Variants in ERC2 observed in about 807,000 individuals in gnomAD.
ERC2 encodes the protein ERC protein 2.
In ERC2, 42 loss-of-function variants were observed where a neutral mutation model predicts 114.8. That is an observed-to-expected ratio of 0.37 (90% confidence interval 0.29 to 0.47). ERC2 has a LOEUF of 0.47. Among genes scored for constraint, ERC2 ranks in the 20% least tolerant of loss-of-function variants. The probability of loss-of-function intolerance (pLI) is 0.99; values close to 1 mark genes in which losing one functional copy is unlikely to be tolerated. For missense variants in ERC2, 939 were observed against 1,150.7 expected (o/e 0.82, Z 2.66); for synonymous variants, 454 against 425.5 (o/e 1.07, Z -0.82).
chr3:55,773,252 C>T (rs1226311232), intron 14 of ERC2, among the ~76,000 whole-genome samples: 2 of 152,184 alleles, frequency 1.3e-5, no homozygotes, highest in African/African-American at 4.8e-5. Flanking sequence ...CTGGCTGGTC[C>T]CACCTTAGGG....
chr3:55,987,306 C>G (rs1013331875), intron 11 of ERC2, among the ~76,000 whole-genome samples: 1 of 152,190 alleles, frequency 6.6e-6, no homozygotes, highest in Non-Finnish European at 1.5e-5. Flanking sequence ...GTAATTAAAT[C>G]AAGGTCTGTG....
At chr3:56,374,182 C>T (rs1488366276) in intron 2 of ERC2, among the ~76,000 whole-genome samples, 1 of 152,178 alleles carries the variant, frequency 6.6e-6, no homozygotes, top group African/African-American at 2.4e-5. Context: ...CTGTAACCTC[C>T]ACCTTCCAGG....
At chr3:56,416,648 C>T (rs1576853323) in intron 2 of ERC2, among the ~76,000 whole-genome samples, 1 of 110,090 alleles carries the variant, frequency 9.1e-6, no homozygotes, top group South Asian at 3.2e-4. Flanking sequence ...TTGCCAACAA[C>T]AAAACATGAT....
At chr3:55,785,671 C>T (rs112463435) in intron 14 of ERC2, among the ~76,000 whole-genome samples, 3 of 152,204 alleles carry the variant, frequency 2.0e-5, no homozygotes, top group Non-Finnish European at 4.4e-5. Context: ...ATTCATGCTG[C>T]CCGGAAGTGC....
At chr3:55,649,809 G>A (rs570833057) in intron 17 of ERC2, among the ~76,000 whole-genome samples, 1 of 152,308 alleles carries the variant, frequency 6.6e-6, no homozygotes, top group South Asian at 2.1e-4. Flanking sequence ...TGACACTTCT[G>A]TCAAGCAGAA....
chr3:56,006,294 CA>C (rs1560011106), intron 10 of ERC2, among the ~76,000 whole-genome samples: 1 of 152,070 alleles, frequency 6.6e-6, no homozygotes, highest in Admixed American at 6.6e-5. Context: ...GATTCCTTCA[CA>C]TCCTTGACCA....
intron 3 of ERC2, among the ~76,000 whole-genome samples, chr3:56,226,339 A>G (rs1470456822): frequency 6.6e-6 from 1 of 152,162 alleles, no homozygotes; most frequent in East Asian, 1.9e-4. Context: ...CACCATGCCT[A>G]GTGGTGCTAG....
intron 6 of ERC2, among the ~76,000 whole-genome samples, chr3:56,103,743 G>GTATCTATCTATC (rs58839474): frequency 0.013 from 1,885 of 149,148 alleles, 15 homozygotes; most frequent in Non-Finnish European, 0.014. Flanking sequence ...AACTAGAAGT[G>GTATCTATCTATC]TATCTATCTA....
chr3:56,349,912 CA>C (rs35271051), intron 2 of ERC2, among the ~76,000 whole-genome samples: 180 of 125,158 alleles, frequency 1.4e-3, no homozygotes, highest in Middle Eastern at 4.5e-3. Flanking sequence ...GACTCCGTCT[CA>C]AAAAAAAAAA....
chr3:56,338,352 C>T (rs925538524), intron 2 of ERC2, among the ~76,000 whole-genome samples: 1 of 152,198 alleles, frequency 6.6e-6, no homozygotes, highest in East Asian at 1.9e-4. Flanking sequence ...TCATCTAATC[C>T]AGGCCCTCTT....
In ERC2 at chr3:56,018,820, A is replaced by C; in HGVS notation, c.1779+74T>G. 9 of 1,513,478 alleles carry C rather than the reference A, an allele frequency of 5.9e-6. 1 individual carries two copies. The highest frequency in any genetic ancestry group is 7.2e-6 in the Non-Finnish European group (8 of 1,110,172). 93.8% of individuals were successfully genotyped at this position (1,513,478 alleles called of 1,614,324 possible). ...AAAAGAAGAAAAGCAGGCACATTTA[A>C]ATGCATTGGGATCAACTTTCCCCAA... is the stretch of plus-strand genomic sequence containing the variant. On this transcript the variant is annotated intron_variant, in intron 8 of 17. Coordinates refer to ENST00000288221, the MANE Select transcript of ERC2 (RefSeq NM_015576.3).
At chr3:56,053,753 T>A (rs1209621866) in intron 7 of ERC2, among the ~76,000 whole-genome samples, 1 of 151,794 alleles carries the variant, frequency 6.6e-6, no homozygotes, top group Non-Finnish European at 1.5e-5. Flanking sequence ...AAATTATAAG[T>A]CCCCTTCGCA....
chr3:56,388,644 C>G (rs1261373789), intron 2 of ERC2, among the ~76,000 whole-genome samples: 2 of 152,138 alleles, frequency 1.3e-5, no homozygotes, highest in African/African-American at 4.8e-5. Flanking sequence ...CAAATTACAC[C>G]TCTTCTCAGA....
At chr3:55,600,914 C>A (rs964147105) in intron 17 of ERC2, among the ~76,000 whole-genome samples, 1 of 152,260 alleles carries the variant, frequency 6.6e-6, no homozygotes, top group Non-Finnish European at 1.5e-5. Flanking sequence ...CTGGCCCTGC[C>A]ATGTGGCATC....
Position 55,982,083 on chromosome 3 carries a change from C to A in ERC2, c.2267+3894G>T, listed in dbSNP as rs1559970599. Among the ~76,000 whole-genome samples the A allele has an allele frequency of 2.0e-5, 3 of 152,220 alleles. No homozygotes were observed. The East Asian group carries it at 5.8e-4, about 29-fold the overall frequency. On this transcript the variant is annotated intron_variant, in intron 12 of 17. Coordinates refer to ENST00000288221, the MANE Select transcript of ERC2 (RefSeq NM_015576.3). ...TTCAATCTCAGCATAAAAGGAGAGG[C>A]TGGCTGGAGAGGGGAGATAAATCTC...
At chr3:56,282,000 C>T (rs1359715494) in intron 3 of ERC2, among the ~76,000 whole-genome samples, 1 of 149,016 alleles carries the variant, frequency 6.7e-6, no homozygotes, top group African/African-American at 2.6e-5. Context: ...TTGCTTATCC[C>T]CTCCTCATTT....
intron 13 of ERC2, among the ~76,000 whole-genome samples, chr3:55,916,353 G>C (rs1281700211): frequency 2.6e-5 from 4 of 152,114 alleles, no homozygotes; most frequent in African/African-American, 9.7e-5. Flanking sequence ...ACTGGTGCTT[G>C]TAACAGGTGA....
At chr3:56,461,699 G>A (rs1452917883) in intron 1 of ERC2, among the ~76,000 whole-genome samples, 2 of 152,182 alleles carry the variant, frequency 1.3e-5, no homozygotes, top group African/African-American at 2.4e-5. Flanking sequence ...CATGAACCAG[G>A]AAGGGTGTGT....
Position 55,583,528 on chromosome 3 carries a change from CCTTCCTTCCTTCCTTT to C in ERC2, c.*40-72268_*40-72253del, listed in dbSNP as rs1410736666. Reference sequence around the variant, plus strand: ...CCCTCCCTCCCTCCCTCCCTCCCTTCCTTCCTTCCTTCCTTTCTTCCTTCCTTCCTTCCTTCCTTCC... The same window carrying C: ...CCCTCCCTCCCTCCCTCCCTCCCTTCCTTCCTTCCTTCCTTCCTTCCTTCC... On this transcript the variant is annotated intron_variant, in intron 17 of 17. Coordinates refer to ENST00000288221, the MANE Select transcript of ERC2 (RefSeq NM_015576.3). 6.5e-3 allele frequency among the ~76,000 whole-genome samples: 365 copies of C among 56,200 alleles called. 22 individuals carry two copies. The highest frequency in any genetic ancestry group is 0.02 in the African/African-American group (308 of 15,046). 36.9% of individuals were successfully genotyped at this position (56,200 alleles called of 152,430 possible).
Sources: gnomAD v4.1 joint callset for allele counts (sites outside exome capture counted in the v4.1 genomes callset) on GRCh38, gnomAD v4.1.1 for gene constraint, MANE v1.5 for transcripts, NCBI Gene and HGNC (gene_info 2026-07-23, HGNC 2026-07-21) for gene names.